PI4K2B: variants seen among roughly 807,000 people sequenced by gnomAD.
PI4K2B encodes phosphatidylinositol 4-kinase type 2-beta.
PI4K2B carries 46 observed loss-of-function variants against 56.6 expected under a neutral mutation model. The ratio of observed to expected loss-of-function variants is 0.81; its 90% CI spans 0.64 to 1.04. The LOEUF (loss-of-function observed/expected upper bound fraction) is 1.04, where lower values mean the gene tolerates loss of function less well. Ranked by LOEUF, PI4K2B falls within the 50% of genes least tolerant of loss-of-function variation. The pLI, the probability that PI4K2B is intolerant of heterozygous loss-of-function variation, is 0.00. For synonymous variants in PI4K2B, 211 were observed against 223.8 expected (o/e 0.94, Z 0.51); for missense variants, 556 against 607.7 (o/e 0.91, Z 0.89).
chr4:25,269,407 CG>C (rs1560379736), intron 9 of PI4K2B, among the ~76,000 whole-genome samples: 2 of 152,032 alleles, frequency 1.3e-5, no homozygotes, highest in African/African-American at 4.8e-5. Flanking sequence ...GAGGCCAAGG[CG>C]GGTGAATCAC....
chr4:25,268,962 CT>C (rs1716765073), intron 8 of PI4K2B, among the ~76,000 whole-genome samples, 181 bp from the exon 9 acceptor site: 1 of 152,130 alleles, frequency 6.6e-6, no homozygotes, highest in Non-Finnish European at 1.5e-5. Flanking sequence ...ATAAATAAGT[CT>C]ATTCGTGTCA....
At chr4:25,264,448 G>A (rs754057925) in intron 7 of PI4K2B, among the ~76,000 whole-genome samples, 3 of 152,174 alleles carry the variant, frequency 2.0e-5, no homozygotes, top group Non-Finnish European at 2.9e-5. Flanking sequence ...AATGATTTCT[G>A]TAATTTGCCT....
At chr4:25,235,536 A>G (rs3106320) in intron 1 of PI4K2B, among the ~76,000 whole-genome samples, 2 of 152,050 alleles carry the variant, frequency 1.3e-5, no homozygotes, top group Non-Finnish European at 2.9e-5. Context: ...CAAGGGGAGC[A>G]GTTTGTCTGA....
chr4:25,248,901 G>A (rs909865991), intron 1 of PI4K2B, among the ~76,000 whole-genome samples: 8 of 152,048 alleles, frequency 5.3e-5, no homozygotes, highest in Non-Finnish European at 8.8e-5. Flanking sequence ...GTGGAGGGAA[G>A]GTCAGCAGAT....
chr4:25,254,707 C>T (rs921794738), intron 2 of PI4K2B, among the ~76,000 whole-genome samples: 7 of 152,100 alleles, frequency 4.6e-5, no homozygotes, highest in South Asian at 2.1e-4. Context: ...CCACCGTGCC[C>T]GGCCCAGTGA....
chr4:25,253,840 C>G (rs925110307), intron 2 of PI4K2B, among the ~76,000 whole-genome samples: 1 of 152,178 alleles, frequency 6.6e-6, no homozygotes, highest in Non-Finnish European at 1.5e-5. Context: ...AGCACAGTCT[C>G]GGCTCACTGC....
At chr4:25,255,710 G>A (rs891177206) in intron 3 of PI4K2B, among the ~76,000 whole-genome samples, 3 of 152,060 alleles carry the variant, frequency 2.0e-5, no homozygotes, top group African/African-American at 7.2e-5. Context: ...CAGTCCTCCT[G>A]CCTCAGCCTC....
Position 25,252,425 on chromosome 4 carries a change from A to G in PI4K2B, c.373A>G (p.Arg125Gly). The G allele has an allele frequency of 6.2e-7, 1 of 1,612,500 alleles. No individual in the cohort carries two copies. Among genetic ancestry groups the G allele is most frequent in the Non-Finnish European group, 8.5e-7 (1 of 1,178,544 alleles). Residue 125 changes from arginine to glycine, a missense_variant, in exon 2 of 10, where the codon AGA becomes GGA. By Grantham distance (125) the Arg-to-Gly change is moderately radical. Coordinates refer to ENST00000264864, the MANE Select transcript of PI4K2B (RefSeq NM_018323.4). ...AATAGAAGTTGGAATTTTTCCAGAA[A>G]GAATCTCTCAAGGTTCAAGTGGAAG... Reference protein sequence around the residue: ...QAIEVGIFPERISQGSSGSYF... With the variant: ...QAIEVGIFPEGISQGSSGSYF...
intron 1 of PI4K2B, among the ~76,000 whole-genome samples, 144 bp from the exon 2 acceptor site, chr4:25,252,160 AAGTGGGGGTTGTTAGGC>A (rs1469102396): frequency 6.6e-6 from 1 of 150,988 alleles, no homozygotes; most frequent in African/African-American, 2.4e-5. Context: ...AATTTAAGAG[AAGTGGGGGTTGTTAGGC>A]AGTGGGGGGA....
In PI4K2B at chr4:25,277,369, C is replaced by T; in HGVS notation, c.*182C>T. 3 of 603,846 alleles carry T rather than the reference C, an allele frequency of 5.0e-6. No individual in the cohort carries two copies. Among genetic ancestry groups the T allele is most frequent in the East Asian group, 6.1e-5 (2 of 32,876 alleles). The allele number at this position is 603,846 out of a possible 1,614,324, so 37.4% of individuals were successfully genotyped here. On this transcript the variant is annotated 3_prime_UTR_variant, in exon 10 of 10. Coordinates refer to ENST00000264864, the MANE Select transcript of PI4K2B (RefSeq NM_018323.4). ...TTGTCCAAATATTAAATTTCTATTT[C>T]AGGGAAGAAGTGCTATATCTCCTAT...
chr4:25,274,239 C>T (rs1217411516), intron 9 of PI4K2B, among the ~76,000 whole-genome samples: 2 of 152,124 alleles, frequency 1.3e-5, no homozygotes, highest in Non-Finnish European at 2.9e-5. Flanking sequence ...TAAAGACCAG[C>T]GAACTAATCT....
intron 1 of PI4K2B, among the ~76,000 whole-genome samples, chr4:25,239,116 T>C (rs1010447693): frequency 3.3e-5 from 5 of 152,150 alleles, no homozygotes; most frequent in Non-Finnish European, 5.9e-5. Context: ...GTATTTACAA[T>C]CCCTTAGCTA....
chr4:25,259,958 T>C (rs1437493349), intron 5 of PI4K2B, among the ~76,000 whole-genome samples: 3 of 152,210 alleles, frequency 2.0e-5, no homozygotes, highest in African/African-American at 4.8e-5. Flanking sequence ...AAATTGCAAG[T>C]GGGTACTGGC....
At chr4:25,275,997 G>C (rs566760505) in intron 9 of PI4K2B, among the ~76,000 whole-genome samples, 4 of 152,068 alleles carry the variant, frequency 2.6e-5, no homozygotes, top group African/African-American at 9.7e-5. Context: ...ACTATTTAAA[G>C]TATTATGAAG....
At chr4:25,243,961 C>A (rs1715652372) in intron 1 of PI4K2B, among the ~76,000 whole-genome samples, 1 of 152,162 alleles carries the variant, frequency 6.6e-6, no homozygotes, top group Non-Finnish European at 1.5e-5. Context: ...ACTAAGACAC[C>A]AGGTATCTCC....
rs547142244 is a variant in PI4K2B at position 25,263,569 on chromosome 4, C to T, written c.979-181C>T. ...TAAAAAATAGTGGTTAGGAAATACA[C>T]TGTTTTTTCAGACAGTCTCTTCCAT... On this transcript the variant is annotated intron_variant, in intron 6 of 9. Transcript: ENST00000264864. Among the ~76,000 whole-genome samples, 3 of 152,090 alleles carry T rather than the reference C, an allele frequency of 2.0e-5. No homozygotes were observed. In the East Asian group the frequency reaches 5.8e-4, roughly 29 times the overall value.
intron 1 of PI4K2B, among the ~76,000 whole-genome samples, chr4:25,236,446 G>T (rs914297607): frequency 6.6e-6 from 1 of 151,262 alleles, no homozygotes; most frequent in African/African-American, 2.4e-5. Flanking sequence ...AGCTACTTGG[G>T]AGGCTGAGGC....
intron 2 of PI4K2B, among the ~76,000 whole-genome samples, chr4:25,254,606 G>C (rs1716185678): frequency 6.6e-6 from 1 of 151,994 alleles, no homozygotes; most frequent in African/African-American, 2.4e-5. Context: ...GTAGAGATGG[G>C]GTTTCACCAT....
Position 25,236,134 on chromosome 4 carries a change from T to C in PI4K2B, c.268+1703T>C, listed in dbSNP as rs146776457. Among the ~76,000 whole-genome samples, 192 of 152,116 alleles carry C rather than the reference T, an allele frequency of 1.3e-3. 4 individuals are homozygous for C. The East Asian group carries it at 0.035, about 28-fold the overall frequency. Reference sequence around the variant, plus strand: ...AGTTTACAATTTGCTAAGATCTTTTTTAAAAAAATATTTTATTCTCCACTG... The same window carrying C: ...AGTTTACAATTTGCTAAGATCTTTTCTAAAAAAATATTTTATTCTCCACTG... On this transcript the variant is annotated intron_variant, in intron 1 of 9. Transcript: ENST00000264864.
Sources: allele counts gnomAD v4.1 joint callset (sites outside exome capture counted in the v4.1 genomes callset), GRCh38; gene constraint gnomAD v4.1.1; transcripts MANE v1.5; gene names NCBI Gene and HGNC (gene_info 2026-07-23, HGNC 2026-07-21).